Variants in NME7 observed in about 807,000 individuals in gnomAD.
NME7 encodes the protein nucleoside diphosphate kinase 7.
NME7 carries 41 observed loss-of-function variants against 49.1 expected under a neutral mutation model. The observed-to-expected ratio is 0.83, with a 90% CI of 0.65 to 1.08. The LOEUF is 1.08. Among genes scored for constraint, NME7 ranks in the 50% least tolerant of loss-of-function variants. NME7 has a pLI of 0.00. For synonymous variants in NME7, 139 were observed against 150.6 expected (o/e 0.92, Z 0.56); for missense variants, 423 against 463.4 (o/e 0.91, Z 0.80).
intron 1 of NME7, among the ~76,000 whole-genome samples, chr1:169,332,544 T>G (rs1397835705): frequency 1.3e-5 from 2 of 152,016 alleles, no homozygotes; most frequent in Non-Finnish European, 2.9e-5. Flanking sequence ...ACCCACAGAA[T>G]GGGAGAAAAT....
intron 11 of NME7, among the ~76,000 whole-genome samples, chr1:169,165,296 T>C (rs945556547): frequency 1.5e-5 from 2 of 130,606 alleles, no homozygotes; most frequent in African/African-American, 5.6e-5. Context: ...TTGTTTGCTA[T>C]AAAAATAAAT....
chr1:169,354,769 TTATA>T (rs199517087), intron 1 of NME7, among the ~76,000 whole-genome samples: 1 of 140,126 alleles, frequency 7.1e-6, no homozygotes, highest in African/African-American at 2.6e-5. Flanking sequence ...TATATATGTT[TTATA>T]TATATATATG....
Position 169,355,982 on chromosome 1 carries a change from A to C in NME7, c.3+11726T>G, listed in dbSNP as rs533090845. ...TAAAAGAGTCCACTGTTTTTGACCC[A>C]TAATTCTAGATTTTTCTCTAGAGGT... is the stretch of plus-strand genomic sequence containing the variant. On this transcript the variant is annotated intron_variant, in intron 1 of 11. Coordinates refer to ENST00000367811, the MANE Select transcript of NME7 (RefSeq NM_013330.5). 3.3e-5 allele frequency among the ~76,000 whole-genome samples: 5 copies of C among 152,266 alleles called. 1 individual carries two copies. The highest frequency in any genetic ancestry group is 1.2e-4 in the African/African-American group (5 of 41,566).
chr1:169,280,921 T>C (rs922226088), intron 7 of NME7, among the ~76,000 whole-genome samples: 1 of 152,012 alleles, frequency 6.6e-6, no homozygotes, highest in Non-Finnish European at 1.5e-5. Context: ...ATGCCCAAGA[T>C]TGTCTTGGCT....
chr1:169,238,694 T>C (rs573153685), intron 7 of NME7, among the ~76,000 whole-genome samples: 80 of 151,962 alleles, frequency 5.3e-4, no homozygotes, highest in Non-Finnish European at 7.8e-4. Flanking sequence ...GATACATCTG[T>C]ACCAAATGAA....
At chr1:169,170,074 G>A (rs990540482) in intron 10 of NME7, among the ~76,000 whole-genome samples, 4 of 152,172 alleles carry the variant, frequency 2.6e-5, no homozygotes, top group Admixed American at 2.6e-4. Flanking sequence ...AATTGACAAT[G>A]AAAAGGTGGA....
At chr1:169,244,533 G>A (rs1648229357) in intron 7 of NME7, among the ~76,000 whole-genome samples, 1 of 151,450 alleles carries the variant, frequency 6.6e-6, no homozygotes, top group African/African-American at 2.4e-5. Context: ...CTACTCGGGA[G>A]GCTGAGGAAG....
At chr1:169,278,726 A>C (rs527950141) in intron 7 of NME7, among the ~76,000 whole-genome samples, 1 of 152,248 alleles carries the variant, frequency 6.6e-6, no homozygotes, top group South Asian at 2.1e-4. Context: ...ATTGCTGGTG[A>C]GGAACTGCGT....
At chr1:169,299,673 T>A (rs998123998) in intron 5 of NME7, among the ~76,000 whole-genome samples, 2 of 152,150 alleles carry the variant, frequency 1.3e-5, no homozygotes, top group Admixed American at 1.3e-4. Flanking sequence ...CCACCCTGCA[T>A]GTTATATGTC....
chr1:169,182,461 A>G (rs1216709853), intron 10 of NME7, among the ~76,000 whole-genome samples: 1 of 152,074 alleles, frequency 6.6e-6, no homozygotes, highest in Non-Finnish European at 1.5e-5. Flanking sequence ...GAGTCATCCT[A>G]AGACTCCTCT....
intron 1 of NME7, among the ~76,000 whole-genome samples, chr1:169,355,091 T>A (rs1203367524): frequency 1.7e-5 from 1 of 57,302 alleles, no homozygotes; most frequent in Non-Finnish European, 3.0e-5. Context: ...TATAATATAC[T>A]ATATATTATA....
At chr1:169,209,329 A>G (rs1490733185) in intron 10 of NME7, among the ~76,000 whole-genome samples, 1 of 152,068 alleles carries the variant, frequency 6.6e-6, no homozygotes, top group Admixed American at 6.6e-5. Context: ...TGTACGTGAT[A>G]TTTAAATCTC....
At chr1:169,318,776 GA>G (rs1371910217) in intron 3 of NME7, among the ~76,000 whole-genome samples, 3 of 151,558 alleles carry the variant, frequency 2.0e-5, no homozygotes, top group Non-Finnish European at 4.4e-5. Context: ...TATAGAATGA[GA>G]AAAAAAGGGC....
intron 10 of NME7, among the ~76,000 whole-genome samples, chr1:169,186,197 G>T (rs1424915319): frequency 1.3e-5 from 2 of 152,090 alleles, no homozygotes; most frequent in Non-Finnish European, 2.9e-5. Flanking sequence ...AGATGTGGCT[G>T]CTTCTCTAAT....
At position 169,290,957 on chromosome 1, in the gene NME7, G is replaced by A. The variant is rs549861979; in HGVS notation, c.649-3549C>T. 3.3e-5 allele frequency among the ~76,000 whole-genome samples: 5 copies of A among 152,270 alleles called. No homozygotes were observed. The South Asian group carries it at 1.0e-3, about 32-fold the overall frequency. ...GAGAAATGCAAATCAAAACCACAAT[G>A]AGATACCATCTCATGCCAGTTAGAA... On this transcript the variant is annotated intron_variant, in intron 6 of 11. Transcript: ENST00000367811.
chr1:169,164,877 C>T (rs781328188), intron 11 of NME7, among the ~76,000 whole-genome samples: 10 of 152,170 alleles, frequency 6.6e-5, no homozygotes, highest in Non-Finnish European at 1.2e-4. Flanking sequence ...CCATAGTTGT[C>T]ACCAGCTATA....
chr1:169,356,549 A>G (rs1227994521), intron 1 of NME7, among the ~76,000 whole-genome samples: 1 of 152,202 alleles, frequency 6.6e-6, no homozygotes, highest in Non-Finnish European at 1.5e-5. Context: ...GGCTAAACCA[A>G]AAAGAATTGC....
rs74125212 is a variant in NME7 at position 169,214,262 on chromosome 1, T to C, written c.990+16456A>G. On this transcript the variant is annotated intron_variant, in intron 10 of 11. Transcript: ENST00000367811. Reference sequence around the variant, plus strand: ...GACATCCAAGAAAAAAGTCTCAATATTGATCTCCATTGTTAGCCCCTTTGA... The same window carrying C: ...GACATCCAAGAAAAAAGTCTCAATACTGATCTCCATTGTTAGCCCCTTTGA... Among the ~76,000 whole-genome samples the C allele has an allele frequency of 8.2e-3, 1,244 of 152,306 alleles. 27 individuals carry two copies. The highest frequency in any genetic ancestry group is 0.029 in the African/African-American group (1,193 of 41,554).
chr1:169,214,352 T>C (rs767041716), intron 10 of NME7, among the ~76,000 whole-genome samples: 78 of 152,358 alleles, frequency 5.1e-4, no homozygotes, highest in Non-Finnish European at 9.4e-4. Flanking sequence ...GGGAACAGCC[T>C]TGTTTGAAAC....
Sources: allele counts gnomAD v4.1 joint callset (sites outside exome capture counted in the v4.1 genomes callset), GRCh38; gene constraint gnomAD v4.1.1; transcripts MANE v1.5; gene names NCBI Gene and HGNC (gene_info 2026-07-23, HGNC 2026-07-21).